Variants in GPC5 observed in about 807,000 individuals in gnomAD.
GPC5 encodes glypican 5, also known as glypican-5.
A neutral mutation model predicts 53.9 loss-of-function variants in GPC5; 47 were observed. The ratio of observed to expected loss-of-function variants is 0.87; its 90% CI spans 0.69 to 1.11. GPC5 has a LOEUF of 1.11. Among genes scored for constraint, GPC5 ranks in the 50% most tolerant of loss-of-function variants. GPC5 has a pLI of 0.00. For synonymous variants in GPC5, 286 were observed against 263.3 expected, an observed-to-expected ratio of 1.09 and a Z score of -0.84; for missense variants, 748 against 713.1, an observed-to-expected ratio of 1.05 and a Z score of -0.56.
intron 2 of GPC5, among the ~76,000 whole-genome samples, chr13:91,546,113 G>T (rs1355822331): frequency 2.0e-5 from 3 of 152,024 alleles, no homozygotes; most frequent in Admixed American, 2.0e-4. Context: ...CATTGTTCTT[G>T]TACATCATTT....
intron 7 of GPC5, among the ~76,000 whole-genome samples, chr13:92,347,888 ATAT>A (rs2043433838): frequency 1.4e-4 from 3 of 20,932 alleles, no homozygotes; most frequent in East Asian, 2.8e-3. Context: ...TATATTATAT[ATAT>A]TATATATATA....
intron 4 of GPC5, among the ~76,000 whole-genome samples, chr13:91,735,079 C>T (rs2036785294): frequency 6.6e-6 from 1 of 151,038 alleles, no homozygotes; most frequent in African/African-American, 2.5e-5. Context: ...TGATTAGTAA[C>T]TTAGTCTAAG....
chr13:92,698,160 CT>C (rs1020043653), intron 7 of GPC5, among the ~76,000 whole-genome samples: 33 of 151,752 alleles, frequency 2.2e-4, no homozygotes, highest in African/African-American at 6.5e-4. Flanking sequence ...CTGAAATTTT[CT>C]TTTTTTCTTT....
chr13:92,406,884 G>A (rs896350976), intron 7 of GPC5, among the ~76,000 whole-genome samples: 2 of 152,048 alleles, frequency 1.3e-5, no homozygotes, highest in South Asian at 2.1e-4. Context: ...AATATAGACA[G>A]CTTCTCAATT....
intron 7 of GPC5, among the ~76,000 whole-genome samples, chr13:92,698,992 A>C (rs1358974054): frequency 6.6e-6 from 1 of 152,168 alleles, no homozygotes; most frequent in Non-Finnish European, 1.5e-5. Context: ...ATAGTTTCAG[A>C]AGAAATGGTA....
chr13:91,867,377 G>A (rs972807002), intron 5 of GPC5, among the ~76,000 whole-genome samples: 3 of 152,218 alleles, frequency 2.0e-5, no homozygotes, highest in Non-Finnish European at 4.4e-5. Flanking sequence ...GCAGAAAAGA[G>A]AGTAATGTGG....
chr13:91,572,785 A>T (rs2031983747), intron 2 of GPC5, among the ~76,000 whole-genome samples: 1 of 152,126 alleles, frequency 6.6e-6, no homozygotes, highest in African/African-American at 2.4e-5. Context: ...CCAAAAAAAG[A>T]TAGTCATAAC....
intron 7 of GPC5, among the ~76,000 whole-genome samples, chr13:92,719,752 A>C (rs950022368): frequency 6.6e-6 from 1 of 152,124 alleles, no homozygotes; most frequent in Non-Finnish European, 1.5e-5. Flanking sequence ...AACGTCACAT[A>C]TTGTCTTCAA....
chr13:91,865,827 T>C (rs1335809536), intron 5 of GPC5, among the ~76,000 whole-genome samples: 1 of 152,134 alleles, frequency 6.6e-6, no homozygotes, highest in Non-Finnish European at 1.5e-5. Context: ...ATCCCTCTAC[T>C]ACTTAGATGT....
intron 6 of GPC5, among the ~76,000 whole-genome samples, chr13:92,045,602 G>A (rs2040975840): frequency 6.6e-6 from 1 of 152,096 alleles, no homozygotes; most frequent in Admixed American, 6.5e-5. Flanking sequence ...TTGTAGAGCT[G>A]TCTACTATAC....
intron 7 of GPC5, among the ~76,000 whole-genome samples, chr13:92,514,564 C>T (rs955062689): frequency 2.0e-5 from 3 of 152,108 alleles, no homozygotes; most frequent in Non-Finnish European, 2.9e-5. Context: ...AGATGTGTAA[C>T]TGGAGGCACA....
chr13:92,192,910 C>T (rs1294697285), intron 7 of GPC5, among the ~76,000 whole-genome samples: 1 of 152,154 alleles, frequency 6.6e-6, no homozygotes, highest in African/African-American at 2.4e-5. Flanking sequence ...GGCGCTGTGG[C>T]TCATGCCTAT....
At chr13:92,614,471 T>C (rs1884615262) in intron 7 of GPC5, among the ~76,000 whole-genome samples, 1 of 152,242 alleles carries the variant, frequency 6.6e-6, no homozygotes, top group Non-Finnish European at 1.5e-5. Flanking sequence ...AATTATGTCC[T>C]GATAAATCTA....
chr13:92,590,375 T>C (rs9523721), intron 7 of GPC5, among the ~76,000 whole-genome samples: 52,543 of 151,282 alleles, frequency 0.35, 11,479 homozygotes, highest in East Asian at 0.73. Flanking sequence ...GAAAAGGGAG[T>C]GTTCCACGCC....
intron 3 of GPC5, among the ~76,000 whole-genome samples, chr13:91,721,656 A>G (rs1000187130): frequency 2.2e-4 from 33 of 152,102 alleles, no homozygotes; most frequent in African/African-American, 8.0e-4. Context: ...TAGGCTCCCC[A>G]GTACTATGTG....
chr13:91,909,833 C>G (rs189052549), intron 6 of GPC5, among the ~76,000 whole-genome samples: 1 of 152,136 alleles, frequency 6.6e-6, no homozygotes, highest in Non-Finnish European at 1.5e-5. Flanking sequence ...ACACCACCCC[C>G]CTCCTCTGCC....
intron 7 of GPC5, among the ~76,000 whole-genome samples, chr13:92,248,822 TTG>T (rs919494250): frequency 2.0e-5 from 3 of 152,218 alleles, no homozygotes; most frequent in Admixed American, 6.6e-5. Context: ...GTTTGCTCGT[TTG>T]TGTGTTTTTT....
At chr13:92,738,254 G>A (rs1427026753) in intron 7 of GPC5, among the ~76,000 whole-genome samples, 1 of 151,808 alleles carries the variant, frequency 6.6e-6, no homozygotes, top group Non-Finnish European at 1.5e-5. Context: ...TATATTATTA[G>A]AAATTATAAA....
intron 2 of GPC5, among the ~76,000 whole-genome samples, chr13:91,553,901 A>C (rs976397599): frequency 6.6e-5 from 10 of 152,110 alleles, no homozygotes; most frequent in Non-Finnish European, 1.3e-4. Context: ...GCAATGAATG[A>C]AAGATGCAAT....
Sources: gnomAD v4.1 joint callset for allele counts (sites outside exome capture counted in the v4.1 genomes callset) on GRCh38, gnomAD v4.1.1 for gene constraint, MANE v1.5 for transcripts, NCBI Gene and HGNC (gene_info 2026-07-23, HGNC 2026-07-21) for gene names.